KCNQ1: variants seen among roughly 807,000 people sequenced by gnomAD.
KCNQ1 encodes the protein potassium voltage-gated channel subfamily KQT member 1.
In KCNQ1, 49 loss-of-function variants were observed where a neutral mutation model predicts 72.4. The observed-to-expected ratio is 0.68, with a 90% CI of 0.54 to 0.86. The LOEUF (loss-of-function observed/expected upper bound fraction) is 0.86, where lower values mean the gene tolerates loss of function less well. Among genes scored for constraint, KCNQ1 ranks in the 40% least tolerant of loss-of-function variants. KCNQ1 has a pLI of 0.00. For missense variants in KCNQ1, 790 were observed against 945.1 expected (o/e 0.84, Z 2.15); for synonymous variants, 450 against 412.6 (o/e 1.09, Z -1.10).
intron 11 of KCNQ1, among the ~76,000 whole-genome samples, chr11:2,719,505 A>C (rs1208369942): frequency 3.3e-5 from 5 of 152,158 alleles, no homozygotes; most frequent in East Asian, 3.9e-4. Flanking sequence ...ACAAACAAAA[A>C]AAAAAACCAT....
chr11:2,733,155 C>T (rs927841861), intron 11 of KCNQ1, among the ~76,000 whole-genome samples: 2 of 152,086 alleles, frequency 1.3e-5, no homozygotes, highest in African/African-American at 4.8e-5. Context: ...GCTCTGGCCC[C>T]GCAGCTGGGG....
At position 2,495,782 on chromosome 11, in the gene KCNQ1, G is replaced by T. The variant is rs116949162; in HGVS notation, c.387-32146G>T. 0.01 allele frequency among the ~76,000 whole-genome samples: 1,561 copies of T among 152,300 alleles called. 14 individuals carry two copies. Among genetic ancestry groups the T allele is most frequent in the Non-Finnish European group, 0.016 (1,064 of 68,028 alleles). ...TTATGTGGTCAATTTTAGAATAAGT[G>T]CTATGTGATGCTGAGAACAATGTAC... On this transcript the variant is annotated intron_variant, in intron 1 of 15. Coordinates refer to ENST00000155840, the MANE Select transcript of KCNQ1 (RefSeq NM_000218.3). The surrounding 1 kb of genome is among the most constrained non-coding windows in gnomAD (Gnocchi z 4.6).
At position 2,653,783 on chromosome 11, in the gene KCNQ1, C is replaced by G; in HGVS notation, c.1394-8178C>G. The G allele has an allele frequency of 2.5e-6, 1 of 398,642 alleles. No individual in the cohort carries two copies. The highest frequency in any genetic ancestry group is 4.4e-6 in the Non-Finnish European group (1 of 226,096). The allele number at this position is 398,642 out of a possible 1,614,324, so 24.7% of individuals were successfully genotyped here. A position where few individuals can be genotyped will look rare whatever the true frequency, so the allele number is the denominator to read the frequency against. ...GCTGGGGTACAAGCCATCCTTGGACCTGCAGCTGTACCTCCGATGGCTGAG... is the reference window on the plus strand; with the variant it reads ...GCTGGGGTACAAGCCATCCTTGGACGTGCAGCTGTACCTCCGATGGCTGAG... On this transcript the variant is annotated intron_variant, in intron 10 of 15. Coordinates refer to ENST00000155840, the MANE Select transcript of KCNQ1 (RefSeq NM_000218.3). This position sits in a 1 kb window ranked among gnomAD's most constrained non-coding sequence, Gnocchi z 5.3.
At position 2,478,108 on chromosome 11, in the gene KCNQ1, C is replaced by T. The variant is rs1191665140; in HGVS notation, c.386+32624C>T. On this transcript the variant is annotated intron_variant, in intron 1 of 15. Coordinates refer to ENST00000155840, the MANE Select transcript of KCNQ1 (RefSeq NM_000218.3). The surrounding 1 kb of genome is among the most constrained non-coding windows in gnomAD (Gnocchi z 4.0). ...GCTTCACCACCCTCCGGATGGACAGCCTCGGTAGCAGAACTCCTGCCAAAG... is the reference window on the plus strand; with the variant it reads ...GCTTCACCACCCTCCGGATGGACAGTCTCGGTAGCAGAACTCCTGCCAAAG... Among the ~76,000 whole-genome samples the T allele has an allele frequency of 2.6e-5, 4 of 152,004 alleles. No homozygotes were observed. The highest frequency in any genetic ancestry group is 9.7e-5 in the African/African-American group (4 of 41,412).
At chr11:2,480,092 A>G (rs938163567) in intron 1 of KCNQ1, among the ~76,000 whole-genome samples, 1 of 152,204 alleles carries the variant, frequency 6.6e-6, no homozygotes, top group Non-Finnish European at 1.5e-5. Flanking sequence ...CCATATCATT[A>G]TCAGAATTTT....
At chr11:2,757,415 A>G (rs1272859352) in intron 11 of KCNQ1, among the ~76,000 whole-genome samples, 1 of 152,262 alleles carries the variant, frequency 6.6e-6, no homozygotes, top group Non-Finnish European at 1.5e-5. Context: ...TGCCAATGAA[A>G]GAAATCAAGA....
rs1846464494 is a variant in KCNQ1 at position 2,764,726 on chromosome 11, T to C, written c.1515-4118T>C. On this transcript the variant is annotated intron_variant, in intron 11 of 15. Transcript: ENST00000155840. The surrounding 1 kb of genome is among the most constrained non-coding windows in gnomAD (Gnocchi z 4.8). ...TTTGGATTATTTTTGTTTTTGTGTC[T>C]ACTTTTACATACTGTGTTTTTAAAT... 1.3e-5 allele frequency among the ~76,000 whole-genome samples: 2 copies of C among 152,234 alleles called. No individual in the cohort carries two copies. Among genetic ancestry groups the C allele is most frequent in the East Asian group, 3.8e-4 (2 of 5,202 alleles).
rs1483973789 is a variant in KCNQ1 at position 2,484,937 on chromosome 11, C to T, written c.386+39453C>T. On this transcript the variant is annotated intron_variant, in intron 1 of 15. Transcript: ENST00000155840. This position sits in a 1 kb window ranked among gnomAD's most constrained non-coding sequence, Gnocchi z 5.2. Reference sequence around the variant, plus strand: ...GTGAGAAACCTGGCTCTCTCACCTTCACCTGCTCGTCCAACCCCAGCTGCA... The same window carrying T: ...GTGAGAAACCTGGCTCTCTCACCTTTACCTGCTCGTCCAACCCCAGCTGCA... Among the ~76,000 whole-genome samples, 2 of 152,204 alleles carry T rather than the reference C, an allele frequency of 1.3e-5. No individual in the cohort carries two copies. The highest frequency in any genetic ancestry group is 1.3e-4 in the Admixed American group (2 of 15,292).
In KCNQ1 at chr11:2,710,988, A is replaced by C. The variant is rs372747884; in HGVS notation, c.1514+48907A>C. On this transcript the variant is annotated intron_variant, in intron 11 of 15. Transcript: ENST00000155840. The surrounding 1 kb of genome is among the most constrained non-coding windows in gnomAD (Gnocchi z 4.1). ...CTTGAATTTCCATATGAATTTTACA[A>C]TCAGCTTGTCAATTTCTGCAAAGAA... Among the ~76,000 whole-genome samples the C allele has an allele frequency of 1.3e-3, 204 of 152,180 alleles. No individual in the cohort carries two copies. The highest frequency in any genetic ancestry group is 4.3e-3 in the African/African-American group (177 of 41,452).
rs534297452 is a variant in KCNQ1, at chr11:2,571,679, G to A, written c.683+276G>A. ...ACTTCCAGGACTTGGGTGGTAACCT[G>A]ACCATCTGGGCACACAGCCTGCCCA... On this transcript the variant is annotated intron_variant, in intron 4 of 15. Transcript: ENST00000155840. Among the ~76,000 whole-genome samples, 3 of 151,162 alleles carry A rather than the reference G, an allele frequency of 2.0e-5. No individual in the cohort carries two copies. The East Asian group carries it at 5.8e-4, about 29-fold the overall frequency.
Position 2,668,066 on chromosome 11 carries a change from A to C in KCNQ1, c.1514+5985A>C, listed in dbSNP as rs1392891912. The C allele has an allele frequency of 2.5e-6, 1 of 398,420 alleles. No homozygotes were observed. Among genetic ancestry groups the C allele is most frequent in the Non-Finnish European group, 4.4e-6 (1 of 226,052 alleles). The allele number at this position is 398,420 out of a possible 1,614,324, so 24.7% of individuals were successfully genotyped here. ...CCACATTTGAACTTTATGCGGTGGG[A>C]ATGATGCAACTCATACACCTTTGTG... On this transcript the variant is annotated intron_variant, in intron 11 of 15. Transcript: ENST00000155840. The surrounding 1 kb of genome is among the most constrained non-coding windows in gnomAD (Gnocchi z 4.3).
chr11:2,783,632 T>C lies in KCNQ1; in HGVS notation c.1794+5595T>C, dbSNP rs1027678467. Among the ~76,000 whole-genome samples, 1 of 152,098 alleles carries C rather than the reference T, an allele frequency of 6.6e-6. No individual in the cohort carries two copies. The highest frequency in any genetic ancestry group is 2.1e-4 in the South Asian group (1 of 4,834). ...ATTTTGCTTTCTCACCAGTAAAGTATAAAGGTTCCACTTTCTCCACAGCCT... is the reference window on the plus strand; with the variant it reads ...ATTTTGCTTTCTCACCAGTAAAGTACAAAGGTTCCACTTTCTCCACAGCCT... On this transcript the variant is annotated intron_variant, in intron 15 of 15. Transcript: ENST00000155840. This position sits in a 1 kb window ranked among gnomAD's most constrained non-coding sequence, Gnocchi z 5.2.
At position 2,621,955 on chromosome 11, in the gene KCNQ1, A is replaced by G. The variant is rs939479285; in HGVS notation, c.1393+33101A>G. On this transcript the variant is annotated intron_variant, in intron 10 of 15. Transcript: ENST00000155840. The surrounding 1 kb of genome is among the most constrained non-coding windows in gnomAD (Gnocchi z 5.7). ...TCTTTTTCTAATTCCTTGAGGTACAATTTTGGGCTATTTGAAATATCTCTT... is the reference window on the plus strand; with the variant it reads ...TCTTTTTCTAATTCCTTGAGGTACAGTTTTGGGCTATTTGAAATATCTCTT... 2.3e-5 allele frequency: 9 copies of G among 397,958 alleles called. No individual in the cohort carries two copies. Among genetic ancestry groups the G allele is most frequent in the African/African-American group, 6.2e-5 (3 of 48,526 alleles). 24.7% of individuals were successfully genotyped at this position (397,958 alleles called of 1,614,324 possible).
chr11:2,623,868 C>T lies in KCNQ1; in HGVS notation c.1393+35014C>T, dbSNP rs1849217152. On this transcript the variant is annotated intron_variant, in intron 10 of 15. Coordinates refer to ENST00000155840, the MANE Select transcript of KCNQ1 (RefSeq NM_000218.3). The surrounding 1 kb of genome is among the most constrained non-coding windows in gnomAD (Gnocchi z 5.2). The stretch of plus-strand genomic sequence containing the variant: ...TGATTTCGATATACTCTGGATTCTT[C>T]GGGGGATATGTATACACATTCAGAA... The T allele has an allele frequency of 5.0e-6, 2 of 398,514 alleles. No individual in the cohort carries two copies. The highest frequency in any genetic ancestry group is 4.4e-6 in the Non-Finnish European group (1 of 226,030). 24.7% of individuals were successfully genotyped at this position (398,514 alleles called of 1,614,324 possible).
intron 11 of KCNQ1, chr11:2,686,995 T>C: frequency 2.5e-6 from 1 of 398,632 alleles, no homozygotes; most frequent in African/African-American, 2.1e-5. Context: ...GGGCCCTGAC[T>C]TGCTAAGATG....
chr11:2,733,457 C>T (rs1218016268), intron 11 of KCNQ1, among the ~76,000 whole-genome samples: 2 of 152,090 alleles, frequency 1.3e-5, no homozygotes, highest in Non-Finnish European at 2.9e-5. Context: ...CTTCCCTGGG[C>T]GGTGTCAGGC....
chr11:2,818,187 G>A lies in KCNQ1; in HGVS notation c.1795-29580G>A, dbSNP rs1334578875. Among the ~76,000 whole-genome samples, 1 of 152,146 alleles carries A rather than the reference G, an allele frequency of 6.6e-6. No homozygotes were observed. The highest frequency in any genetic ancestry group is 1.5e-5 in the Non-Finnish European group (1 of 68,024). On this transcript the variant is annotated intron_variant, in intron 15 of 15. Transcript: ENST00000155840. This position sits in a 1 kb window ranked among gnomAD's most constrained non-coding sequence, Gnocchi z 7.2. The stretch of plus-strand genomic sequence containing the variant: ...GCCCCAACTTCCGAGCCCTAGGAAA[G>A]GGTCTTGTCTGCTCTTCCCCTCAGT...
chr11:2,572,143 G>C, intron 5 of KCNQ1, 34 bp downstream of exon 5: 3 of 1,517,072 alleles, frequency 2.0e-6, no homozygotes, highest in Non-Finnish European at 2.7e-6. Flanking sequence ...CGGGGCCCAG[G>C]TTGGGGACAG....
intron 2 of KCNQ1, among the ~76,000 whole-genome samples, chr11:2,569,084 C>G (rs1848287964): frequency 6.6e-6 from 1 of 152,142 alleles, no homozygotes; most frequent in Admixed American, 6.5e-5. Flanking sequence ...CAGGGTTTCA[C>G]CATGTTGATC....
Sources: allele counts gnomAD v4.1 joint callset (sites outside exome capture counted in the v4.1 genomes callset), GRCh38; gene constraint gnomAD v4.1.1; non-coding constraint Gnocchi (gnomAD v3.1); transcripts MANE v1.5; gene names NCBI Gene and HGNC (gene_info 2026-07-23, HGNC 2026-07-21).